Variants in AKR1D1 observed in about 807,000 individuals in gnomAD.
AKR1D1 encodes the protein delta(4)-3-ketosteroid 5-beta-reductase.
AKR1D1 carries 32 observed loss-of-function variants against 42.6 expected under a neutral mutation model. The observed-to-expected ratio is 0.75, with a 90% CI of 0.57 to 1.01. AKR1D1 has a LOEUF of 1.01. Ranked by LOEUF, AKR1D1 falls within the 50% of genes least tolerant of loss-of-function variation. The pLI is 0.00. For synonymous variants in AKR1D1, 123 were observed against 135.5 expected (o/e 0.91, Z 0.64); for missense variants, 364 against 402.2 (o/e 0.91, Z 0.81).
At chr7:138,093,634 C>T (rs918822760) in intron 3 of AKR1D1, among the ~76,000 whole-genome samples, 1 of 152,118 alleles carries the variant, frequency 6.6e-6, no homozygotes, top group Non-Finnish European at 1.5e-5. Flanking sequence ...TGGAATCCCT[C>T]CTGAAAGACC....
At chr7:138,078,052 C>T (rs570454375) in intron 1 of AKR1D1, among the ~76,000 whole-genome samples, 58 of 152,276 alleles carry the variant, frequency 3.8e-4, no homozygotes, top group African/African-American at 1.3e-3. Context: ...ACCTCTGACT[C>T]CCAGACTCAA....
At chr7:138,084,340 G>A (rs1438173723) in intron 1 of AKR1D1, among the ~76,000 whole-genome samples, 1 of 140,172 alleles carries the variant, frequency 7.1e-6, no homozygotes, top group Non-Finnish European at 1.5e-5. Context: ...ACGGCTCCCT[G>A]CAAATTCTGC....
intron 2 of AKR1D1, 42 bp from the exon 3 acceptor site, chr7:138,091,726 G>T: frequency 6.9e-7 from 1 of 1,440,346 alleles, no homozygotes; most frequent in Non-Finnish European, 9.8e-7. Context: ...ATCGTAAAAA[G>T]CGTGTAGACA....
intron 5 of AKR1D1, among the ~76,000 whole-genome samples, chr7:138,105,665 G>C (rs781452244): frequency 1.3e-5 from 2 of 152,142 alleles, no homozygotes; most frequent in Non-Finnish European, 2.9e-5. Flanking sequence ...CGAGGCAGGC[G>C]ATCACGAGGT....
intron 1 of AKR1D1, among the ~76,000 whole-genome samples, chr7:138,076,970 A>C (rs992195335): frequency 3.9e-5 from 6 of 152,184 alleles, no homozygotes; most frequent in African/African-American, 1.2e-4. Context: ...TCTAACAAAC[A>C]CCTAGTGAAT....
intron 4 of AKR1D1, among the ~76,000 whole-genome samples, chr7:138,100,699 CTTTTTTTTT>C (rs749956421): frequency 1.2e-4 from 11 of 88,392 alleles, no homozygotes; most frequent in Non-Finnish European, 1.8e-4. Context: ...GTCAGAGATT[CTTTTTTTTT>C]TTTTTTTTTT....
chr7:138,102,339 G>C (rs1305067928), intron 4 of AKR1D1, among the ~76,000 whole-genome samples: 1 of 152,164 alleles, frequency 6.6e-6, no homozygotes, highest in African/African-American at 2.4e-5. Flanking sequence ...AGGCTGAGTG[G>C]GGAGAATTAC....
chr7:138,110,623 G>A (rs187358162), intron 7 of AKR1D1, among the ~76,000 whole-genome samples: 11 of 151,858 alleles, frequency 7.2e-5, no homozygotes, highest in Admixed American at 2.0e-4. Context: ...CATGGTCATG[G>A]GCGCCTGTAA....
chr7:138,101,993 A>G (rs1445624292), intron 4 of AKR1D1, among the ~76,000 whole-genome samples: 1 of 152,010 alleles, frequency 6.6e-6, no homozygotes, highest in Admixed American at 6.5e-5. Context: ...GGTGGATCAC[A>G]TGAGGCCAGG....
At chr7:138,105,183 C>T (rs1413179363) in intron 4 of AKR1D1, 124 bp from the exon 5 acceptor site, 51 of 1,357,852 alleles carry the variant, frequency 3.8e-5, no homozygotes, top group South Asian at 2.5e-4. Flanking sequence ...TACTTTTTTT[C>T]GCAAGATGCT....
At chr7:138,096,471 A>G (rs543751143) in intron 3 of AKR1D1, among the ~76,000 whole-genome samples, 2 of 152,282 alleles carry the variant, frequency 1.3e-5, no homozygotes, top group East Asian at 1.9e-4. Flanking sequence ...TTACAATGGC[A>G]TTAATCCACG....
At chr7:138,096,725 GT>G (rs1325261945) in intron 3 of AKR1D1, among the ~76,000 whole-genome samples, 1 of 152,146 alleles carries the variant, frequency 6.6e-6, no homozygotes, top group Non-Finnish European at 1.5e-5. Context: ...TTCTCATGGT[GT>G]TCGTGACATC....
At chr7:138,094,357 A>G (rs1426815573) in intron 3 of AKR1D1, among the ~76,000 whole-genome samples, 1 of 152,150 alleles carries the variant, frequency 6.6e-6, no homozygotes, top group African/African-American at 2.4e-5. Flanking sequence ...TCTACAAAAA[A>G]TACAAAAATT....
At chr7:138,099,838 A>G (rs1794254201) in intron 4 of AKR1D1, among the ~76,000 whole-genome samples, 1 of 144,006 alleles carries the variant, frequency 6.9e-6, no homozygotes, top group Non-Finnish European at 1.5e-5. Context: ...ACCCATCTCT[A>G]CAAAAAAGAA....
intron 2 of AKR1D1, among the ~76,000 whole-genome samples, chr7:138,091,015 C>T (rs939417815): frequency 6.6e-6 from 1 of 152,216 alleles, no homozygotes; most frequent in African/African-American, 2.4e-5. Context: ...ATATTCCTTG[C>T]TCATTTTATC....
intron 4 of AKR1D1, among the ~76,000 whole-genome samples, chr7:138,099,015 T>C (rs896514209): frequency 6.6e-6 from 1 of 152,132 alleles, no homozygotes; most frequent in Non-Finnish European, 1.5e-5. Context: ...AGTTTTTTTT[T>C]CCCACCGATG....
intron 4 of AKR1D1, among the ~76,000 whole-genome samples, chr7:138,104,634 C>T (rs901619254): frequency 6.9e-6 from 1 of 145,636 alleles, no homozygotes; most frequent in Non-Finnish European, 1.5e-5. Context: ...GAGCCGAGAT[C>T]GTGCCATCGC....
At chr7:138,100,957 G>A (rs1428713212) in intron 4 of AKR1D1, among the ~76,000 whole-genome samples, 5 of 151,792 alleles carry the variant, frequency 3.3e-5, no homozygotes, top group Non-Finnish European at 2.9e-5. Flanking sequence ...ACCCTCCTCC[G>A]CCTCTCAAAG....
At chr7:138,102,568 T>A (rs1794339397) in intron 4 of AKR1D1, among the ~76,000 whole-genome samples, 1 of 151,988 alleles carries the variant, frequency 6.6e-6, no homozygotes, top group Non-Finnish European at 1.5e-5. Flanking sequence ...ATCTCAAAAA[T>A]AAAAAGCAAT....
Sources: gnomAD v4.1 joint callset for allele counts (sites outside exome capture counted in the v4.1 genomes callset) on GRCh38, gnomAD v4.1.1 for gene constraint, MANE v1.5 for transcripts, NCBI Gene and HGNC (gene_info 2026-07-23, HGNC 2026-07-21) for gene names.